The following GASK1B variants were observed in gnomAD, a reference collection of about 807,000 sequenced individuals.
The protein encoded by GASK1B is Golgi-associated kinase 1B.
A neutral mutation model predicts 42.8 loss-of-function variants in GASK1B; 34 were observed. The observed-to-expected ratio is 0.79, with a 90% CI of 0.60 to 1.06. The LOEUF (loss-of-function observed/expected upper bound fraction) is 1.06, where lower values mean the gene tolerates loss of function less well. GASK1B is among the 50% of genes least tolerant of loss of function. The pLI is 0.00. For synonymous variants in GASK1B, 262 were observed against 259.1 expected (o/e 1.01, Z -0.11); for missense variants, 686 against 661.0 (o/e 1.04, Z -0.42).
chr4:158,172,554 A>G (rs1732600409), intron 1 of GASK1B: 1 of 152,266 alleles, frequency 6.6e-6, no homozygotes. Flanking sequence ...AGAGATACAA[A>G]GCTTTTAAAA....
Position 158,130,896 on chromosome 4 carries a change from G to A in GASK1B, c.1242C>T (p.His414=). The change falls in exon 4 of 5, where the codon CAC becomes CAT. Residue 414 remains histidine (H), a synonymous_variant. Transcript: ENST00000585682. ...TTGGGTCATGCTTTCGCTGGATAATGTGTGCTAGAGCCGCAGAACCTTGGT... is the reference window on the plus strand; with the variant it reads ...TTGGGTCATGCTTTCGCTGGATAATATGTGCTAGAGCCGCAGAACCTTGGT... ...CDDQGSAALA[H]IIQRKHDPRH... 6.2e-7 allele frequency: 1 copy of A among 1,614,078 alleles called. No individual in the cohort carries two copies. The highest frequency in any genetic ancestry group is 8.5e-7 in the Non-Finnish European group (1 of 1,179,974).
chr4:158,150,217 G>A (rs1384824081), intron 3 of GASK1B, among the ~76,000 whole-genome samples: 1 of 152,058 alleles, frequency 6.6e-6, no homozygotes, highest in Non-Finnish European at 1.5e-5. Context: ...AAGCCACCGC[G>A]CTCGGCCTCT....
intron 2 of GASK1B, among the ~76,000 whole-genome samples, chr4:158,156,344 C>T (rs1731759965): frequency 6.6e-6 from 1 of 152,200 alleles, no homozygotes; most frequent in South Asian, 2.1e-4. Flanking sequence ...TCACTATAAT[C>T]TCCAAAGACA....
At chr4:158,140,117 C>T (rs1315880288) in intron 3 of GASK1B, among the ~76,000 whole-genome samples, 2 of 152,094 alleles carry the variant, frequency 1.3e-5, no homozygotes, top group Admixed American at 1.3e-4. Context: ...GCTAAAGCAT[C>T]AACAGATTTA....
intron 2 of GASK1B, among the ~76,000 whole-genome samples, chr4:158,164,370 G>A (rs1732145534): frequency 1.3e-5 from 2 of 152,134 alleles, no homozygotes; most frequent in African/African-American, 4.8e-5. Flanking sequence ...GCAGAGTGTG[G>A]GACCAAGGAC....
At chr4:158,160,162 T>C (rs143267661) in intron 2 of GASK1B, among the ~76,000 whole-genome samples, 50 of 152,280 alleles carry the variant, frequency 3.3e-4, no homozygotes, top group African/African-American at 1.2e-3. Context: ...CCAGTCAAAC[T>C]TGAGTGGCAT....
chr4:158,130,610 C>T (rs1730637599), intron 4 of GASK1B, among the ~76,000 whole-genome samples, 176 bp downstream of exon 4: 1 of 152,186 alleles, frequency 6.6e-6, no homozygotes, highest in Admixed American at 6.6e-5. Flanking sequence ...TATGGCTGCA[C>T]TCTGGTTCTG....
chr4:158,149,551 C>T (rs1731463034), intron 3 of GASK1B, among the ~76,000 whole-genome samples: 1 of 149,746 alleles, frequency 6.7e-6, no homozygotes, highest in African/African-American at 2.4e-5. Context: ...GGTCCATTCT[C>T]ATAGACTTCA....
intron 3 of GASK1B, among the ~76,000 whole-genome samples, chr4:158,150,045 C>G (rs1731496006): frequency 6.7e-6 from 1 of 149,812 alleles, no homozygotes; most frequent in African/African-American, 2.4e-5. Flanking sequence ...CCTGCCTCAG[C>G]CTCCCAAGTA....
intron 2 of GASK1B, chr4:158,169,278 CTG>C (rs1732357730): frequency 6.6e-6 from 1 of 152,320 alleles, no homozygotes; most frequent in South Asian, 2.1e-4. Context: ...ATTGGCATAA[CTG>C]TGGTGGACTG....
At chr4:158,135,560 C>T (rs902343278) in intron 3 of GASK1B, among the ~76,000 whole-genome samples, 1 of 151,632 alleles carries the variant, frequency 6.6e-6, no homozygotes, top group East Asian at 1.9e-4. Context: ...CAGAAAAGGG[C>T]TAGTTGACCT....
In GASK1B at chr4:158,127,050, A is replaced by C; in HGVS notation, c.*357T>G. On this transcript the variant is annotated 3_prime_UTR_variant, in exon 5 of 5. Transcript: ENST00000585682. The stretch of plus-strand genomic sequence containing the variant: ...GTCAAAACGGCACAAAATATGGTTT[A>C]TTAATGGAGTCAGTGTCTCTGGTTT... The C allele has an allele frequency of 5.3e-6, 1 of 187,066 alleles. No homozygotes were observed. Among genetic ancestry groups the C allele is most frequent in the Non-Finnish European group, 1.1e-5 (1 of 90,024 alleles). 11.6% of individuals were successfully genotyped at this position (187,066 alleles called of 1,614,324 possible).
chr4:158,139,108 T>C (rs952216123), intron 3 of GASK1B, among the ~76,000 whole-genome samples: 1 of 152,198 alleles, frequency 6.6e-6, no homozygotes, highest in African/African-American at 2.4e-5. Flanking sequence ...TCAGAGAGGA[T>C]AGCAACCTGC....
chr4:158,135,465 C>G (rs1049363030), intron 3 of GASK1B, among the ~76,000 whole-genome samples: 1 of 151,328 alleles, frequency 6.6e-6, no homozygotes, highest in Non-Finnish European at 1.5e-5. Context: ...TAATGCTTCA[C>G]ATGTATTATT....
intron 4 of GASK1B, 78 bp downstream of exon 4, chr4:158,130,708 A>G (rs903181310): frequency 9.5e-7 from 1 of 1,055,026 alleles, no homozygotes; most frequent in African/African-American, 1.6e-5. Context: ...GATCAGATGT[A>G]AGATGTGAGT....
At chr4:158,138,734 A>G (rs1731003260) in intron 3 of GASK1B, among the ~76,000 whole-genome samples, 1 of 152,116 alleles carries the variant, frequency 6.6e-6, no homozygotes, top group African/African-American at 2.4e-5. Context: ...TATGGTTAAC[A>G]GAACCTAATG....
intron 2 of GASK1B, chr4:158,168,570 C>T (rs1454945859): frequency 6.6e-6 from 1 of 152,102 alleles, no homozygotes; most frequent in Non-Finnish European, 1.5e-5. Flanking sequence ...ACAACAATCT[C>T]ATATGGTAGG....
In GASK1B at chr4:158,127,498, T is replaced by C; in HGVS notation, c.1469A>G (p.Glu490Gly). ...WESQGGRQGIEKLIDVIEHRA... is the reference protein window; with the variant it reads ...WESQGGRQGIGKLIDVIEHRA... ...GTGTTCTATTACATCGATAAGCTTTTCAATTCCTTGTCTACCTCCTTGACT... is the reference window on the plus strand; with the variant it reads ...GTGTTCTATTACATCGATAAGCTTTCCAATTCCTTGTCTACCTCCTTGACT... The change falls in exon 5 of 5, where the codon GAA (glutamate) becomes GGA (glycine). Residue 490 changes from glutamate to glycine, a missense_variant. Coordinates refer to ENST00000585682, the MANE Select transcript of GASK1B (RefSeq NM_001128424.2). The C allele has an allele frequency of 1.2e-6, 2 of 1,613,862 alleles. No homozygotes were observed. Among genetic ancestry groups the C allele is most frequent in the Middle Eastern group, 3.3e-4 (2 of 6,060 alleles).
intron 2 of GASK1B, among the ~76,000 whole-genome samples, chr4:158,156,161 C>CA (rs1731752063): frequency 6.6e-6 from 1 of 152,066 alleles, no homozygotes. Context: ...GCAGCCACCA[C>CA]AAAAAGGGAA....
Sources: gnomAD v4.1 joint callset for allele counts (sites outside exome capture counted in the v4.1 genomes callset) on GRCh38, gnomAD v4.1.1 for gene constraint, MANE v1.5 for transcripts, NCBI Gene and HGNC (gene_info 2026-07-23, HGNC 2026-07-21) for gene names.